DST: variants seen among roughly 807,000 people sequenced by gnomAD.
DST encodes dystonin.
In DST, 253 loss-of-function variants were observed where a neutral mutation model predicts 875.2. That is an observed-to-expected ratio of 0.29 (90% CI 0.26 to 0.32). DST has a LOEUF of 0.32. Among genes scored for constraint, DST ranks in the 10% least tolerant of loss-of-function variants. DST has a pLI of 1.00. For missense variants in DST, 8,287 were observed against 9,111.6 expected, an observed-to-expected ratio of 0.91 and a Z score of 3.68; for synonymous variants, 3,124 against 3,197.1, an observed-to-expected ratio of 0.98 and a Z score of 0.77.
intron 4 of DST, among the ~76,000 whole-genome samples, chr6:56,807,319 T>C (rs1331579139): frequency 4.6e-5 from 7 of 152,170 alleles, no homozygotes; most frequent in African/African-American, 7.2e-5. Context: ...AGCCACTGCA[T>C]CCAGCCTCCC....
chr6:56,559,195 T>C (rs780032393), intron 58 of DST, among the ~76,000 whole-genome samples: 9 of 152,032 alleles, frequency 5.9e-5, no homozygotes, highest in Admixed American at 1.3e-4. Context: ...ATTAAAGCAA[T>C]AAATCAGGAA....
chr6:56,588,505 T>C (rs888205192), intron 49 of DST, among the ~76,000 whole-genome samples: 3 of 152,200 alleles, frequency 2.0e-5, no homozygotes, highest in Non-Finnish European at 4.4e-5. Flanking sequence ...CTGTGTCTTC[T>C]ATCAAACTAT....
chr6:56,821,056 A>C (rs2099772515), intron 4 of DST, among the ~76,000 whole-genome samples: 1 of 152,244 alleles, frequency 6.6e-6, no homozygotes, highest in Non-Finnish European at 1.5e-5. Context: ...AGGCCACCTT[A>C]AGGAGATAAA....
chr6:56,596,536 C>T (rs555861185), intron 47 of DST, among the ~76,000 whole-genome samples: 1 of 152,160 alleles, frequency 6.6e-6, no homozygotes, highest in Non-Finnish European at 1.5e-5. Context: ...TTTAGGAATT[C>T]ACTAGATTTT....
chr6:56,524,386 T>C (rs1051951021), intron 69 of DST, among the ~76,000 whole-genome samples: 3 of 152,076 alleles, frequency 2.0e-5, no homozygotes, highest in South Asian at 2.1e-4. Context: ...GTTGTAATAA[T>C]GGAACCTTCG....
At chr6:56,852,075 C>G (rs1765568898) in intron 3 of DST, 2 of 1,384,784 alleles carry the variant, frequency 1.4e-6, no homozygotes, top group African/African-American at 2.9e-5. Context: ...TGTTGAGTCC[C>G]AACTCCTTTC....
intron 55 of DST, among the ~76,000 whole-genome samples, chr6:56,567,727 G>A (rs2097705055): frequency 6.6e-6 from 1 of 152,122 alleles, no homozygotes; most frequent in Non-Finnish European, 1.5e-5. Flanking sequence ...AGGGACAGCT[G>A]GGGGCTGGTC....
At chr6:56,617,181 C>T in intron 36 of DST, 1 of 1,601,804 alleles carries the variant, frequency 6.2e-7, no homozygotes, top group East Asian at 2.2e-5. Context: ...CTGGCAGTCA[C>T]AGTGTGCCTA....
At chr6:56,713,507 C>T (rs761238594) in intron 5 of DST, among the ~76,000 whole-genome samples, 9 of 152,150 alleles carry the variant, frequency 5.9e-5, no homozygotes, top group Non-Finnish European at 1.2e-4. Context: ...GAACAGTGAG[C>T]CACTTGCTGG....
chr6:56,705,920 CTGA>C (rs1440684552), intron 5 of DST, among the ~76,000 whole-genome samples: 2 of 152,216 alleles, frequency 1.3e-5, no homozygotes, highest in Non-Finnish European at 2.9e-5. Flanking sequence ...AGTTGAATCT[CTGA>C]TGTCATAATA....
chr6:56,911,524 G>A (rs750677520), intron 2 of DST, among the ~76,000 whole-genome samples: 3 of 152,208 alleles, frequency 2.0e-5, no homozygotes, highest in Non-Finnish European at 2.9e-5. Context: ...TCATTCCTAC[G>A]GCATCTCGCT....
intron 2 of DST, among the ~76,000 whole-genome samples, chr6:56,904,723 C>T (rs28432154): frequency 0.03 from 4,543 of 152,164 alleles, 199 homozygotes; most frequent in African/African-American, 0.1. Context: ...AAAGCCATGT[C>T]TTTTAACAGA....
chr6:56,644,364 AG>A (rs2098930103), intron 15 of DST, among the ~76,000 whole-genome samples: 2 of 152,234 alleles, frequency 1.3e-5, no homozygotes, highest in Non-Finnish European at 2.9e-5. Context: ...CTGACAGGTT[AG>A]ACATGCTCTC....
chr6:56,614,299 AC>A, intron 37 of DST, 56 bp downstream of exon 37: 1 of 1,483,214 alleles, frequency 6.7e-7, no homozygotes, highest in Non-Finnish European at 9.1e-7. Flanking sequence ...AACTGTGTCA[AC>A]TCAGTTAACG....
chr6:56,480,601 G>A (rs1388423107), intron 90 of DST, among the ~76,000 whole-genome samples: 1 of 152,196 alleles, frequency 6.6e-6, no homozygotes, highest in Non-Finnish European at 1.5e-5. Context: ...GTGAATGTAT[G>A]AAGGGAAGCA....
chr6:56,759,740 C>T (rs2099612959), intron 4 of DST, among the ~76,000 whole-genome samples: 1 of 152,102 alleles, frequency 6.6e-6, no homozygotes, highest in Non-Finnish European at 1.5e-5. Flanking sequence ...GAACTGCAGC[C>T]TGAAAACAAA....
At chr6:56,907,051 A>G (rs1305730836) in intron 2 of DST, among the ~76,000 whole-genome samples, 1 of 152,228 alleles carries the variant, frequency 6.6e-6, no homozygotes, top group Non-Finnish European at 1.5e-5. Flanking sequence ...GGGTAAGCCC[A>G]TAACCAAGAC....
At chr6:56,779,615 T>C (rs1464721504) in intron 4 of DST, among the ~76,000 whole-genome samples, 1 of 152,004 alleles carries the variant, frequency 6.6e-6, no homozygotes, top group East Asian at 1.9e-4. Context: ...CTAGCCAGTT[T>C]TCCCAGCACC....
intron 2 of DST, among the ~76,000 whole-genome samples, chr6:56,910,892 G>A (rs1446898899): frequency 1.3e-5 from 2 of 152,182 alleles, no homozygotes; most frequent in Admixed American, 6.5e-5. Flanking sequence ...AAGAAGCACT[G>A]ATTTAAACAA....
Sources: gnomAD v4.1 joint callset for allele counts (sites outside exome capture counted in the v4.1 genomes callset) on GRCh38, gnomAD v4.1.1 for gene constraint, MANE v1.5 for transcripts, NCBI Gene and HGNC (gene_info 2026-07-23, HGNC 2026-07-21) for gene names.